The following CADPS2 variants were observed in gnomAD, a reference collection of about 807,000 sequenced individuals.
CADPS2 encodes calcium dependent secretion activator 2.
A neutral mutation model predicts 172.5 loss-of-function variants in CADPS2; 93 were observed. The observed-to-expected ratio is 0.54, with a 90% CI of 0.46 to 0.64. The LOEUF (loss-of-function observed/expected upper bound fraction) is 0.64. Ranked by LOEUF, CADPS2 falls within the 30% of genes least tolerant of loss-of-function variation. CADPS2 has a pLI of 0.00. For missense variants in CADPS2, 1,420 were observed against 1,565.9 expected (o/e 0.91, Z 1.57); for synonymous variants, 546 against 555.2 (o/e 0.98, Z 0.23).
Position 122,333,098 on chromosome 7 carries a change from G to T in CADPS2, c.3613-7517C>A, listed in dbSNP as rs1224298269. On this transcript the variant is annotated intron_variant, in intron 28 of 29. Coordinates refer to ENST00000449022, the MANE Select transcript of CADPS2 (RefSeq NM_017954.11). ...GCTCATTGATAAATCCAGTTATAAT[G>T]GTGTATGTACTAGTTTGGGGTGCAA... Among the ~76,000 whole-genome samples, 9 of 152,170 alleles carry T rather than the reference G, an allele frequency of 5.9e-5. No individual in the cohort carries two copies. The East Asian group carries it at 1.4e-3, about 23-fold the overall frequency.
chr7:122,605,386 C>T (rs1462890600), intron 6 of CADPS2, among the ~76,000 whole-genome samples: 2 of 152,154 alleles, frequency 1.3e-5, no homozygotes, highest in Non-Finnish European at 2.9e-5. Context: ...CCATTATCAA[C>T]TTATTGGACT....
chr7:122,487,374 C>A (rs989965597), intron 11 of CADPS2, among the ~76,000 whole-genome samples: 1 of 152,058 alleles, frequency 6.6e-6, no homozygotes, highest in African/African-American at 2.4e-5. Flanking sequence ...TTGAGATATT[C>A]ATCTTATTGC....
chr7:122,610,945 C>A (rs2074220213), intron 6 of CADPS2, among the ~76,000 whole-genome samples: 1 of 152,116 alleles, frequency 6.6e-6, no homozygotes, highest in Non-Finnish European at 1.5e-5. Context: ...TTCCCTGCAG[C>A]TAAGAATCTT....
chr7:122,814,214 T>C (rs1405424193), intron 1 of CADPS2, among the ~76,000 whole-genome samples: 1 of 97,670 alleles, frequency 1.0e-5, no homozygotes, highest in Non-Finnish European at 2.2e-5. Flanking sequence ...GAGGTTTTGA[T>C]GGTAATAACG....
At chr7:122,601,633 T>G (rs1326583902) in intron 6 of CADPS2, among the ~76,000 whole-genome samples, 1 of 152,050 alleles carries the variant, frequency 6.6e-6, no homozygotes, top group Admixed American at 6.6e-5. Context: ...TGAATATCTT[T>G]GCAGCAATGT....
intron 14 of CADPS2, among the ~76,000 whole-genome samples, chr7:122,459,687 A>G (rs2054219235): frequency 6.6e-6 from 1 of 152,232 alleles, no homozygotes; most frequent in Non-Finnish European, 1.5e-5. Context: ...TAATTTAAAA[A>G]CATTTAATTT....
chr7:122,471,329 A>T (rs558225392), intron 14 of CADPS2, 46 bp downstream of exon 14: 2 of 1,485,928 alleles, frequency 1.3e-6, no homozygotes, highest in South Asian at 2.7e-5. Context: ...TCTCTTTTCC[A>T]TAGTCAACCC....
chr7:122,515,700 T>C (rs2060307188), intron 8 of CADPS2, among the ~76,000 whole-genome samples: 1 of 152,122 alleles, frequency 6.6e-6, no homozygotes, highest in South Asian at 2.1e-4. Context: ...AGCTACTCAG[T>C]GTCAGTCTTG....
At chr7:122,394,803 G>A (rs1218171980) in intron 20 of CADPS2, among the ~76,000 whole-genome samples, 2 of 152,172 alleles carry the variant, frequency 1.3e-5, no homozygotes, top group African/African-American at 4.8e-5. Flanking sequence ...TGATTATGCA[G>A]AGGAGTGACA....
chr7:122,507,993 A>T (rs2059732503), intron 9 of CADPS2, among the ~76,000 whole-genome samples: 1 of 152,182 alleles, frequency 6.6e-6, no homozygotes, highest in African/African-American at 2.4e-5. Context: ...TAAAAGGGGA[A>T]TATTCATTTA....
intron 8 of CADPS2, among the ~76,000 whole-genome samples, chr7:122,535,647 AG>A (rs1180257944): frequency 2.6e-5 from 4 of 152,090 alleles, no homozygotes; most frequent in Non-Finnish European, 5.9e-5. Context: ...AAGAACTAGT[AG>A]AGAATATTGC....
intron 1 of CADPS2, among the ~76,000 whole-genome samples, chr7:122,744,243 G>A (rs1389681549): frequency 6.6e-6 from 1 of 152,150 alleles, no homozygotes; most frequent in Admixed American, 6.5e-5. Flanking sequence ...AGATGGTGAG[G>A]TGGCAAGATA....
chr7:122,533,025 C>T (rs1425093930), intron 8 of CADPS2, among the ~76,000 whole-genome samples: 1 of 151,924 alleles, frequency 6.6e-6, no homozygotes, highest in Non-Finnish European at 1.5e-5. Context: ...ATGCTCCGCA[C>T]CCCCACCCCC....
intron 6 of CADPS2, among the ~76,000 whole-genome samples, chr7:122,608,153 T>C (rs1449917413): frequency 6.6e-6 from 1 of 151,194 alleles, no homozygotes; most frequent in Non-Finnish European, 1.5e-5. Flanking sequence ...GAGGCGGAGA[T>C]TGCAGTGAGC....
chr7:122,820,761 T>A, intron 1 of CADPS2, among the ~76,000 whole-genome samples: 1 of 134,266 alleles, frequency 7.4e-6, no homozygotes, highest in East Asian at 2.1e-4. Flanking sequence ...GGGTTTCACC[T>A]TGTTAGCCAG....
chr7:122,340,296 G>A (rs999748016), intron 28 of CADPS2, among the ~76,000 whole-genome samples: 1 of 152,140 alleles, frequency 6.6e-6, no homozygotes, highest in African/African-American at 2.4e-5. Context: ...ATAACAAAGA[G>A]CATGTTTAAT....
intron 25 of CADPS2, among the ~76,000 whole-genome samples, chr7:122,363,528 G>A (rs6944990): frequency 0.28 from 25,434 of 90,712 alleles, 7,136 homozygotes; most frequent in African/African-American, 0.42. Context: ...TAGAGGCAGG[G>A]AGCCTGTTGA....
intron 2 of CADPS2, among the ~76,000 whole-genome samples, chr7:122,711,161 G>C (rs1267066476): frequency 6.6e-6 from 1 of 152,082 alleles, no homozygotes; most frequent in African/African-American, 2.4e-5. Context: ...GAGGCCATCT[G>C]TCTTACATTT....
At chr7:122,519,148 G>C (rs1359747179) in intron 8 of CADPS2, among the ~76,000 whole-genome samples, 1 of 151,910 alleles carries the variant, frequency 6.6e-6, no homozygotes, top group Non-Finnish European at 1.5e-5. Flanking sequence ...TATTTGAATG[G>C]GGTTAAAAGA....
Sources: gnomAD v4.1 joint callset for allele counts (sites outside exome capture counted in the v4.1 genomes callset) on GRCh38, gnomAD v4.1.1 for gene constraint, MANE v1.5 for transcripts, NCBI Gene and HGNC (gene_info 2026-07-23, HGNC 2026-07-21) for gene names.